Variants in UNC5C observed in about 807,000 individuals in gnomAD.
UNC5C encodes unc-5 netrin receptor C, also known as netrin receptor UNC5C.
UNC5C carries 47 observed loss-of-function variants against 99.8 expected under a neutral mutation model. The observed-to-expected ratio is 0.47, with a 90% CI of 0.37 to 0.60. The LOEUF (loss-of-function observed/expected upper bound fraction) is 0.60, where lower values mean the gene tolerates loss of function less well. UNC5C is among the 20% of genes least tolerant of loss of function. UNC5C has a pLI of 0.00. For synonymous variants in UNC5C, 487 were observed against 452.2 expected, an observed-to-expected ratio of 1.08 and a Z score of -0.98; for missense variants, 1,062 against 1,165.9, an observed-to-expected ratio of 0.91 and a Z score of 1.30.
chr4:95,543,166 A>G (rs1017048667), intron 1 of UNC5C, among the ~76,000 whole-genome samples: 2 of 152,162 alleles, frequency 1.3e-5, no homozygotes, highest in African/African-American at 4.8e-5. Context: ...AAGAAATGAA[A>G]CCAAAGAAGC....
chr4:95,445,855 C>T (rs959405941), intron 1 of UNC5C, among the ~76,000 whole-genome samples: 14 of 151,796 alleles, frequency 9.2e-5, no homozygotes, highest in African/African-American at 3.1e-4. Flanking sequence ...AGTGCTGGAG[C>T]GGAGGAGAGG....
At position 95,254,325 on chromosome 4, in the gene UNC5C, A is replaced by G. The variant is rs377008739; in HGVS notation, c.595-3658T>C. Among the ~76,000 whole-genome samples the G allele has an allele frequency of 2.3e-3, 344 of 152,232 alleles. 2 individuals carry two copies. Among genetic ancestry groups the G allele is most frequent in the African/African-American group, 7.7e-3 (322 of 41,554 alleles). ...CCATCCTGCAATGACCTTATCCTCT[A>G]AGGTCACACATTCTAGGCCAAAGGT... On this transcript the variant is annotated intron_variant, in intron 4 of 15. Transcript: ENST00000453304.
At chr4:95,447,527 G>A (rs1000899621) in intron 1 of UNC5C, among the ~76,000 whole-genome samples, 2 of 152,114 alleles carry the variant, frequency 1.3e-5, no homozygotes, top group African/African-American at 2.4e-5. Context: ...TTGAGACGAA[G>A]TCTCACTCTG....
At chr4:95,424,366 G>A (rs1368618498) in intron 1 of UNC5C, among the ~76,000 whole-genome samples, 1 of 151,784 alleles carries the variant, frequency 6.6e-6, no homozygotes, top group African/African-American at 2.4e-5. Context: ...TGAAGAGTAG[G>A]AAATACCGAT....
chr4:95,450,475 G>T (rs1315756165), intron 1 of UNC5C, among the ~76,000 whole-genome samples: 2 of 152,180 alleles, frequency 1.3e-5, no homozygotes, highest in Admixed American at 1.3e-4. Flanking sequence ...CAAAGTGTCA[G>T]CATTACAGGC....
chr4:95,365,941 GT>G lies in UNC5C; in HGVS notation c.125-30311del, dbSNP rs56789564. On this transcript the variant is annotated intron_variant, in intron 1 of 15. Transcript: ENST00000453304. ...TCTGCTCTAAAGAATTTTCTGAGAA[GT>G]TTTTTTTTTTTAAATCAAAATTATA... 8.0e-3 allele frequency among the ~76,000 whole-genome samples: 1,181 copies of G among 148,490 alleles called. 8 individuals carry two copies. The highest frequency in any genetic ancestry group is 0.012 in the Non-Finnish European group (810 of 66,948).
At chr4:95,261,058 T>C (rs910396655) in intron 4 of UNC5C, among the ~76,000 whole-genome samples, 4 of 152,186 alleles carry the variant, frequency 2.6e-5, no homozygotes, top group African/African-American at 9.7e-5. Flanking sequence ...TGGACTCTTT[T>C]CTGTCCATAA....
chr4:95,243,853 T>G (rs1004729520), intron 6 of UNC5C, among the ~76,000 whole-genome samples: 2 of 152,018 alleles, frequency 1.3e-5, no homozygotes, highest in Admixed American at 1.3e-4. Flanking sequence ...ACACACACAT[T>G]TCTATTTCAA....
intron 1 of UNC5C, among the ~76,000 whole-genome samples, chr4:95,366,465 G>A (rs1744574615): frequency 6.6e-6 from 1 of 152,104 alleles, no homozygotes; most frequent in Non-Finnish European, 1.5e-5. Flanking sequence ...CAATAATGAA[G>A]GCAACACAAT....
chr4:95,367,985 T>C (rs887694321), intron 1 of UNC5C, among the ~76,000 whole-genome samples: 8 of 152,180 alleles, frequency 5.3e-5, no homozygotes, highest in Non-Finnish European at 1.5e-5. Context: ...ACAGATATGG[T>C]GCAGTGAATA....
intron 1 of UNC5C, among the ~76,000 whole-genome samples, chr4:95,484,762 C>T (rs13134684): frequency 0.27 from 40,259 of 151,678 alleles, 6,511 homozygotes; most frequent in Non-Finnish European, 0.35. Context: ...TAGCCTGTTC[C>T]GAAGAAATCA....
At chr4:95,170,426 T>C (rs766100197) in intron 14 of UNC5C, 94 bp from the exon 15 acceptor site, 3 of 1,401,682 alleles carry the variant, frequency 2.1e-6, no homozygotes, top group South Asian at 1.4e-5. Flanking sequence ...CTTTGAGTGA[T>C]AAGAAAAGAA....
chr4:95,264,501 CTCTT>C (rs150979714), intron 4 of UNC5C, among the ~76,000 whole-genome samples: 2,027 of 152,296 alleles, frequency 0.013, 36 homozygotes, highest in African/African-American at 0.038. Flanking sequence ...TCCCCCAATG[CTCTT>C]TCTTTGAGTC....
At chr4:95,246,345 C>G (rs190708101) in intron 5 of UNC5C, among the ~76,000 whole-genome samples, 191 of 151,914 alleles carry the variant, frequency 1.3e-3, no homozygotes, top group African/African-American at 4.0e-3. Flanking sequence ...TTGCTTGAGA[C>G]CAAGAGTTCA....
In UNC5C at chr4:95,236,442, G is replaced by C. The variant is rs1468513764; in HGVS notation, c.1108+5987C>G. On this transcript the variant is annotated intron_variant, in intron 7 of 15. Coordinates refer to ENST00000453304, the MANE Select transcript of UNC5C (RefSeq NM_003728.4). The stretch of plus-strand genomic sequence containing the variant: ...ACACCGGGGCCTGTTGAGCAGTTGG[G>C]GGAGGGGGGAGGGATAGCATTAGGA... 2.7e-5 allele frequency among the ~76,000 whole-genome samples: 4 copies of C among 146,034 alleles called. No homozygotes were observed. The East Asian group carries it at 8.1e-4, about 30-fold the overall frequency.
At chr4:95,324,351 A>G (rs554052530) in intron 2 of UNC5C, among the ~76,000 whole-genome samples, 2 of 152,292 alleles carry the variant, frequency 1.3e-5, no homozygotes, top group South Asian at 4.1e-4. Flanking sequence ...TCACCCCCAG[A>G]TAGGACTGTT....
intron 1 of UNC5C, among the ~76,000 whole-genome samples, chr4:95,505,758 C>T (rs1313205195): frequency 2.0e-5 from 3 of 151,958 alleles, no homozygotes; most frequent in South Asian, 2.1e-4. Context: ...TGTAAAACTG[C>T]TGGGACTGTC....
intron 3 of UNC5C, among the ~76,000 whole-genome samples, chr4:95,289,562 A>AT (rs201971824): frequency 1.3e-5 from 2 of 152,140 alleles, no homozygotes; most frequent in Admixed American, 6.5e-5. Context: ...ACATTCTAAT[A>AT]TTTTTTTAAA....
intron 4 of UNC5C, among the ~76,000 whole-genome samples, chr4:95,251,009 A>T (rs1162685778): frequency 6.6e-6 from 1 of 152,376 alleles, no homozygotes; most frequent in East Asian, 1.9e-4. Flanking sequence ...CCAAGTTCAG[A>T]ACCCAATAAA....
Sources: allele counts gnomAD v4.1 joint callset (sites outside exome capture counted in the v4.1 genomes callset), GRCh38; gene constraint gnomAD v4.1.1; transcripts MANE v1.5; gene names NCBI Gene and HGNC (gene_info 2026-07-23, HGNC 2026-07-21).